HS3ST5: variants seen among roughly 807,000 people sequenced by gnomAD.
HS3ST5 encodes the protein heparan sulfate-glucosamine 3-sulfotransferase 5.
Under a neutral mutation model 25.4 loss-of-function variants are expected in HS3ST5, and 10 were observed. That is an observed-to-expected ratio of 0.39 (90% CI 0.24 to 0.67). HS3ST5 has a LOEUF of 0.67. Among genes scored for constraint, HS3ST5 ranks in the 30% least tolerant of loss-of-function variants. The pLI is 0.44. For missense variants in HS3ST5, 324 were observed against 420.7 expected (o/e 0.77, Z 2.01); for synonymous variants, 170 against 162.4 (o/e 1.05, Z -0.36).
At chr6:114,172,870 G>A (rs926945913) in intron 2 of HS3ST5, among the ~76,000 whole-genome samples, 3 of 152,140 alleles carry the variant, frequency 2.0e-5, no homozygotes, top group Admixed American at 1.3e-4. Context: ...TCCATTTTGA[G>A]GAGGGTCAGA....
chr6:114,245,897 A>G (rs1349180574), intron 1 of HS3ST5, among the ~76,000 whole-genome samples: 1 of 152,204 alleles, frequency 6.6e-6, no homozygotes, highest in African/African-American at 2.4e-5. Flanking sequence ...AATCTTCTGG[A>G]AAAACACTAT....
chr6:114,282,368 A>G (rs1454665729), intron 1 of HS3ST5, among the ~76,000 whole-genome samples: 1 of 151,990 alleles, frequency 6.6e-6, no homozygotes, highest in Admixed American at 6.6e-5. Flanking sequence ...ATTAATATGT[A>G]AAAGAAGCTG....
chr6:114,168,895 T>C (rs1364762959), intron 2 of HS3ST5, among the ~76,000 whole-genome samples: 2 of 152,220 alleles, frequency 1.3e-5, no homozygotes, highest in Non-Finnish European at 2.9e-5. Context: ...ATTATTTATA[T>C]CAATCATTCT....
At chr6:114,335,899 G>T (rs548318944) in intron 1 of HS3ST5, among the ~76,000 whole-genome samples, 1 of 151,854 alleles carries the variant, frequency 6.6e-6, no homozygotes, top group Non-Finnish European at 1.5e-5. Context: ...TGATCTACCC[G>T]CTTCGGCCTC....
At chr6:114,334,496 G>A (rs142489512) in intron 1 of HS3ST5, among the ~76,000 whole-genome samples, 2 of 152,246 alleles carry the variant, frequency 1.3e-5, no homozygotes, top group African/African-American at 2.4e-5. Context: ...GCATAACATC[G>A]TTTCGGCCAA....
chr6:114,205,775 A>G (rs1288968256), intron 2 of HS3ST5, among the ~76,000 whole-genome samples: 2 of 152,132 alleles, frequency 1.3e-5, no homozygotes, highest in Non-Finnish European at 2.9e-5. Context: ...ATCATCAGGC[A>G]TTAGATTCTC....
At chr6:114,299,075 G>C (rs185957281) in intron 1 of HS3ST5, among the ~76,000 whole-genome samples, 114 of 152,286 alleles carry the variant, frequency 7.5e-4, no homozygotes, top group Non-Finnish European at 1.4e-3. Flanking sequence ...TCTTTCAAAA[G>C]CAAATGGGAG....
At position 114,057,893 on chromosome 6, in the gene HS3ST5, G is replaced by A. The variant is rs755605283; in HGVS notation, c.405C>T (p.Gly135=). 6.2e-7 allele frequency: 1 copy of A among 1,614,102 alleles called. No homozygotes were observed. ...GCATCTTTTTCCTATACCACTCAAT[G>A]CCCTTACCATAATTCTCATCATTAT... ...FFDNDENYGK[G]IEWYRKKMPF... The change falls in exon 5 of 5, where the codon GGC becomes GGT. Residue 135 remains glycine (G), a synonymous_variant. Coordinates refer to ENST00000312719, the MANE Select transcript of HS3ST5 (RefSeq NM_153612.4).
At chr6:114,178,409 CTAAT>C (rs572317049) in intron 2 of HS3ST5, among the ~76,000 whole-genome samples, 106 of 152,252 alleles carry the variant, frequency 7.0e-4, no homozygotes, top group African/African-American at 1.8e-3. Context: ...AATCTAGTCT[CTAAT>C]TATTTATGCA....
chr6:114,108,543 A>G (rs892425642), intron 3 of HS3ST5, among the ~76,000 whole-genome samples: 1 of 152,044 alleles, frequency 6.6e-6, no homozygotes, highest in Non-Finnish European at 1.5e-5. Context: ...CAGAAGGGAA[A>G]CCCTTTCCTC....
At chr6:114,125,959 C>T (rs1519686) in intron 3 of HS3ST5, among the ~76,000 whole-genome samples, 37,971 of 152,002 alleles carry the variant, frequency 0.25, 4,853 homozygotes, top group African/African-American at 0.29. Flanking sequence ...CCTCAGAGAC[C>T]GCTCAGAAAA....
At chr6:114,088,986 G>A (rs1230509737) in intron 3 of HS3ST5, 1 of 152,206 alleles carries the variant, frequency 6.6e-6, no homozygotes, top group African/African-American at 2.4e-5. Context: ...TAGATAGGAA[G>A]GCACGTGAGA....
intron 1 of HS3ST5, among the ~76,000 whole-genome samples, chr6:114,258,518 T>A (rs537570215): frequency 1.9e-4 from 29 of 152,188 alleles, no homozygotes; most frequent in Middle Eastern, 3.4e-3. Context: ...GGCAAAGAAA[T>A]GACAGAGGTG....
chr6:114,318,358 C>T (rs1156411008), intron 1 of HS3ST5, among the ~76,000 whole-genome samples: 1 of 152,182 alleles, frequency 6.6e-6, no homozygotes, highest in Non-Finnish European at 1.5e-5. Context: ...TATGTATCTA[C>T]TCCTCACTGG....
At chr6:114,112,577 T>C (rs1188738108) in intron 3 of HS3ST5, 1 of 152,240 alleles carries the variant, frequency 6.6e-6, no homozygotes, top group Non-Finnish European at 1.5e-5. Context: ...AATTCAACTA[T>C]CTACTTACTC....
At chr6:114,065,129 A>G (rs998618106) in intron 3 of HS3ST5, among the ~76,000 whole-genome samples, 6 of 152,242 alleles carry the variant, frequency 3.9e-5, no homozygotes, top group Admixed American at 3.9e-4. Flanking sequence ...ACTGTGTAGC[A>G]AGGACATTGT....
At chr6:114,291,966 G>A (rs1774597195) in intron 1 of HS3ST5, among the ~76,000 whole-genome samples, 1 of 152,110 alleles carries the variant, frequency 6.6e-6, no homozygotes, top group Admixed American at 6.6e-5. Context: ...ATGTTCTAAA[G>A]AGCAAATCTC....
intron 3 of HS3ST5, among the ~76,000 whole-genome samples, chr6:114,087,630 G>A (rs1774906128): frequency 6.6e-6 from 1 of 152,182 alleles, no homozygotes; most frequent in South Asian, 2.1e-4. Context: ...GCAAAAAAGA[G>A]TTCTATGCAA....
chr6:114,269,861 T>C (rs1773563919), intron 1 of HS3ST5, among the ~76,000 whole-genome samples: 1 of 152,160 alleles, frequency 6.6e-6, no homozygotes, highest in Non-Finnish European at 1.5e-5. Context: ...CTAGAGTGAC[T>C]CACATTTTCA....
Sources: allele counts gnomAD v4.1 joint callset (sites outside exome capture counted in the v4.1 genomes callset), GRCh38; gene constraint gnomAD v4.1.1; transcripts MANE v1.5; gene names NCBI Gene and HGNC (gene_info 2026-07-23, HGNC 2026-07-21).